The following LARP4B variants were observed in gnomAD, a reference collection of about 807,000 sequenced individuals.
LARP4B encodes the protein La ribonucleoprotein 4B.
LARP4B carries 12 observed loss-of-function variants against 89.8 expected under a neutral mutation model. That is an observed-to-expected ratio of 0.13 (90% CI 0.09 to 0.22). LARP4B has a LOEUF of 0.22. LARP4B is among the 10% of genes least tolerant of loss of function. The pLI, the probability that LARP4B is intolerant of heterozygous loss-of-function variation, is 1.00. For synonymous variants in LARP4B, 367 were observed against 363.3 expected (o/e 1.01, Z -0.12); for missense variants, 757 against 947.7 (o/e 0.80, Z 2.64).
intron 3 of LARP4B, among the ~76,000 whole-genome samples, chr10:867,454 A>T (rs575425064): frequency 2.4e-4 from 37 of 152,350 alleles, no homozygotes; most frequent in Admixed American, 7.8e-4. Context: ...GAGTTCATTA[A>T]CTTATAATTT....
At chr10:975,066 A>C in the LARP4B span, among the ~76,000 whole-genome samples, 3 of 152,252 alleles carry the variant, frequency 2.0e-5, no homozygotes, top group Admixed American at 2.0e-4. Flanking sequence ...CCACCACAGC[A>C]GATCAAACCA....
chr10:925,278 T>C (rs1384574335), intron 1 of LARP4B, among the ~76,000 whole-genome samples: 1 of 152,158 alleles, frequency 6.6e-6, no homozygotes, highest in Non-Finnish European at 1.5e-5. Flanking sequence ...GCATCCCTAG[T>C]GTTCAACTGG....
intron 1 of LARP4B, among the ~76,000 whole-genome samples, chr10:912,219 G>A (rs978615404): frequency 6.6e-6 from 1 of 151,894 alleles, no homozygotes; most frequent in Non-Finnish European, 1.5e-5. Flanking sequence ...TGGCTTCCCT[G>A]GGCCACACTG....
At chr10:915,425 G>GAA (rs35208084) in intron 1 of LARP4B, among the ~76,000 whole-genome samples, 23 of 151,222 alleles carry the variant, frequency 1.5e-4, no homozygotes, top group Non-Finnish European at 3.2e-4. Context: ...GAATAAGCTG[G>GAA]AAAAAAAAAG....
chr10:969,067 C>T, the LARP4B span, among the ~76,000 whole-genome samples: 2 of 152,104 alleles, frequency 1.3e-5, no homozygotes, highest in Non-Finnish European at 2.9e-5. Flanking sequence ...CAAGTGCAGA[C>T]TGAGATAAGG....
At chr10:855,833 C>T (rs1460914885) in intron 5 of LARP4B, among the ~76,000 whole-genome samples, 1 of 152,210 alleles carries the variant, frequency 6.6e-6, no homozygotes, top group Non-Finnish European at 1.5e-5. Context: ...GCAAGCTCTG[C>T]TGACAATCCA....
In LARP4B at chr10:822,287, G is replaced by A. The variant is rs917699837; in HGVS notation, c.1485-1442C>T. On this transcript the variant is annotated intron_variant, in intron 13 of 17. Transcript: ENST00000316157. This position sits in a 1 kb window ranked among gnomAD's most constrained non-coding sequence, Gnocchi z 4.6. ...GGTGTCAGCACCTGCTTGCCCAGAG[G>A]CATTGCCCTGAGCGCTGGACAGAGG... Among the ~76,000 whole-genome samples, 16 of 152,340 alleles carry A rather than the reference G, an allele frequency of 1.1e-4. No homozygotes were observed. The highest frequency in any genetic ancestry group is 3.4e-4 in the African/African-American group (14 of 41,580).
At chr10:813,412 T>C (rs546883455) in intron 17 of LARP4B, among the ~76,000 whole-genome samples, 199 bp from the exon 18 acceptor site, 16 of 152,240 alleles carry the variant, frequency 1.1e-4, no homozygotes, top group Non-Finnish European at 8.8e-5. Flanking sequence ...TGTGCTACTG[T>C]AGTAATGGAT....
chr10:858,907 T>C (rs894430981), intron 5 of LARP4B, among the ~76,000 whole-genome samples: 2 of 152,164 alleles, frequency 1.3e-5, no homozygotes, highest in African/African-American at 4.8e-5. Flanking sequence ...ATCACAGCAC[T>C]TTGGCAGGCC....
intron 3 of LARP4B, among the ~76,000 whole-genome samples, chr10:876,318 G>A (rs1835450051): frequency 6.6e-6 from 1 of 152,108 alleles, no homozygotes; most frequent in African/African-American, 2.4e-5. Flanking sequence ...CAGCGGGTCA[G>A]AGGCTGCAGT....
intron 1 of LARP4B, among the ~76,000 whole-genome samples, chr10:909,149 C>T (rs1175862964): frequency 6.6e-6 from 1 of 152,038 alleles, no homozygotes; most frequent in East Asian, 1.9e-4. Context: ...AAAAAATTAG[C>T]CGGGCATGGT....
chr10:885,853 C>T (rs868119813), intron 1 of LARP4B, 93 bp from the exon 2 acceptor site: 76 of 599,472 alleles, frequency 1.3e-4, no homozygotes, highest in African/African-American at 1.2e-3. Flanking sequence ...CCAGGACACA[C>T]GTTTATCCCT....
At chr10:871,339 G>A (rs148053696) in intron 3 of LARP4B, among the ~76,000 whole-genome samples, 42 of 152,200 alleles carry the variant, frequency 2.8e-4, no homozygotes, top group East Asian at 1.9e-3. Flanking sequence ...ACTTGCCATC[G>A]GGGGGCACTC....
the LARP4B span, among the ~76,000 whole-genome samples, chr10:955,957 G>A: frequency 4.6e-5 from 7 of 152,070 alleles, no homozygotes; most frequent in South Asian, 2.1e-4. This position sits in a 1 kb window ranked among gnomAD's most constrained non-coding sequence, Gnocchi z 5.2. Context: ...CTGGCTGAGC[G>A]TCCTTCCCTC....
the LARP4B span, among the ~76,000 whole-genome samples, chr10:937,486 T>C: frequency 1.3e-5 from 2 of 152,338 alleles, no homozygotes; most frequent in African/African-American, 4.8e-5. Context: ...TTGTTGCTTA[T>C]TAATTTCAAA....
chr10:820,779 G>A lies in LARP4B; in HGVS notation c.1530+21C>T, dbSNP rs202229972. ...TTAGATTTAAATGTCTTGTGAAGAG[G>A]TATATGCTTTATGTACTCACTGTAA... On this transcript the variant is annotated intron_variant, in intron 14 of 17. Transcript: ENST00000316157. 243 of 1,596,644 alleles carry A rather than the reference G, an allele frequency of 1.5e-4. 1 individual carries two copies. Among genetic ancestry groups the A allele is most frequent in the Non-Finnish European group, 4.1e-5 (48 of 1,165,122 alleles).
the LARP4B span, among the ~76,000 whole-genome samples, chr10:965,761 C>T: frequency 1.3e-5 from 2 of 151,372 alleles, no homozygotes. Flanking sequence ...CTGGGAGATG[C>T]CTGCCTTCTG....
chr10:820,858 A>T lies in LARP4B; in HGVS notation c.1485-13T>A, dbSNP rs761561860. The T allele has an allele frequency of 1.2e-6, 2 of 1,612,014 alleles. No homozygotes were observed. Among genetic ancestry groups the T allele is most frequent in the Non-Finnish European group, 1.7e-6 (2 of 1,179,238 alleles). ...AAAGGAATTCTTCCTAGAGGAGTGG[A>T]AAGTGAAAGACTGTTATTTTTTTCC... On this transcript the variant is annotated splice_polypyrimidine_tract_variant and intron_variant, in intron 13 of 17. Coordinates refer to ENST00000316157, the MANE Select transcript of LARP4B (RefSeq NM_015155.3).
the LARP4B span, among the ~76,000 whole-genome samples, chr10:968,666 T>C: frequency 6.6e-6 from 1 of 152,340 alleles, no homozygotes; most frequent in Admixed American, 6.5e-5. Context: ...GTTGATGGTA[T>C]CTCAAAGAGC....
Sources: gnomAD v4.1 joint callset for allele counts (sites outside exome capture counted in the v4.1 genomes callset) on GRCh38, gnomAD v4.1.1 for gene constraint, Gnocchi (gnomAD v3.1) non-coding constraint, MANE v1.5 for transcripts, NCBI Gene and HGNC (gene_info 2026-07-23, HGNC 2026-07-21) for gene names.